The following PALM2AKAP2 variants were observed in gnomAD, a reference collection of about 807,000 sequenced individuals.
PALM2AKAP2 encodes the protein PALM2 and AKAP2 fusion, also known as PALM2-AKAP2 fusion protein.
Under a neutral mutation model 71.5 loss-of-function variants are expected in PALM2AKAP2, and 37 were observed. The observed-to-expected ratio is 0.52, with a 90% CI of 0.40 to 0.68. The LOEUF (loss-of-function observed/expected upper bound fraction) is 0.68. Among genes scored for constraint, PALM2AKAP2 ranks in the 30% least tolerant of loss-of-function variants. The probability of loss-of-function intolerance (pLI) is 0.00; values close to 1 mark genes in which losing one functional copy is unlikely to be tolerated. For synonymous variants in PALM2AKAP2, 468 were observed against 478.8 expected, an observed-to-expected ratio of 0.98 and a Z score of 0.29; for missense variants, 1,224 against 1,191.8, an observed-to-expected ratio of 1.03 and a Z score of -0.40.
intron 1 of PALM2AKAP2, among the ~76,000 whole-genome samples, chr9:109,684,968 T>C (rs1183201234): frequency 1.3e-5 from 2 of 152,128 alleles, no homozygotes; most frequent in African/African-American, 2.4e-5. Context: ...TACTGAACCA[T>C]AAAAATAAAT....
intron 1 of PALM2AKAP2, among the ~76,000 whole-genome samples, chr9:109,743,449 G>T (rs879859267): frequency 1.3e-5 from 2 of 152,282 alleles, no homozygotes; most frequent in African/African-American, 4.8e-5. Flanking sequence ...GCAGCTGCAG[G>T]TGTGAGATCA....
intron 1 of PALM2AKAP2, among the ~76,000 whole-genome samples, chr9:109,792,401 A>G (rs1434056707): frequency 6.6e-6 from 1 of 152,240 alleles, no homozygotes; most frequent in Non-Finnish European, 1.5e-5. Context: ...AGCTGGGATT[A>G]TAGGCATGTG....
chr9:110,042,745 C>T (rs1833530343), intron 7 of PALM2AKAP2, among the ~76,000 whole-genome samples: 1 of 152,088 alleles, frequency 6.6e-6, no homozygotes, highest in South Asian at 2.1e-4. Context: ...TTCTCCTAGA[C>T]TCTTGTTGTT....
chr9:109,883,906 A>G (rs907030975), intron 3 of PALM2AKAP2, among the ~76,000 whole-genome samples: 19 of 152,120 alleles, frequency 1.2e-4, no homozygotes, highest in African/African-American at 4.1e-4. Context: ...TGGCAATGGG[A>G]GAGGTACAAG....
At chr9:109,765,235 T>G (rs1359816780) in intron 1 of PALM2AKAP2, among the ~76,000 whole-genome samples, 1 of 152,224 alleles carries the variant, frequency 6.6e-6, no homozygotes, top group Non-Finnish European at 1.5e-5. Flanking sequence ...CTCAGTGATT[T>G]GTGAAGAGGT....
At chr9:110,056,216 G>A (rs1406496697) in intron 1 of PALM2AKAP2, among the ~76,000 whole-genome samples, 1 of 152,202 alleles carries the variant, frequency 6.6e-6, no homozygotes, top group Non-Finnish European at 1.5e-5. Context: ...CCTGGCAGTG[G>A]TTAACTGACC....
intron 1 of PALM2AKAP2, among the ~76,000 whole-genome samples, chr9:109,833,839 T>G (rs572015515): frequency 6.6e-6 from 1 of 152,178 alleles, no homozygotes; most frequent in Non-Finnish European, 1.5e-5. Flanking sequence ...CTCTGTCCGG[T>G]TTAGGTCTTT....
chr9:110,170,502 G>T (rs976842272), exon 4 of PALM2AKAP2: 3 of 152,252 alleles, frequency 2.0e-5, no homozygotes, highest in African/African-American at 7.2e-5. Context: ...TACTAACAAG[G>T]ATCCTTTAAA....
intron 6 of PALM2AKAP2, among the ~76,000 whole-genome samples, chr9:110,004,757 T>G (rs958056364): frequency 6.6e-6 from 1 of 152,230 alleles, no homozygotes; most frequent in Non-Finnish European, 1.5e-5. Flanking sequence ...TAAACTTCTC[T>G]TGTCACTTCA....
chr9:110,049,380 G>T (rs1390270596), intron 1 of PALM2AKAP2, among the ~76,000 whole-genome samples: 1 of 152,206 alleles, frequency 6.6e-6, no homozygotes, highest in Non-Finnish European at 1.5e-5. Flanking sequence ...GGAGGGCCGG[G>T]CCCCGGCCCC....
chr9:109,925,069 C>T (rs1830923814), exon 5 of PALM2AKAP2: 1 of 1,613,966 alleles, frequency 6.2e-7, no homozygotes, highest in South Asian at 1.1e-5. Context: ...AGGGTTTCTC[C>T]AGTACGGATG....
At chr9:109,961,749 C>T (rs1831855457) in intron 6 of PALM2AKAP2, among the ~76,000 whole-genome samples, 1 of 152,226 alleles carries the variant, frequency 6.6e-6, no homozygotes, top group Non-Finnish European at 1.5e-5. Context: ...GGCAAGACTC[C>T]TGTACGCAAA....
In PALM2AKAP2 at chr9:109,720,407, C is replaced by T. The variant is rs948500381; in HGVS notation, c.6-60081C>T. 2.0e-5 allele frequency among the ~76,000 whole-genome samples: 3 copies of T among 152,292 alleles called. No individual in the cohort carries two copies. The South Asian group carries it at 6.2e-4, about 32-fold the overall frequency. The stretch of plus-strand genomic sequence containing the variant: ...GTGACACACTGATTCTGAGATACCT[C>T]TGAAGCATCTGAATGTAGATATTGA... On this transcript the variant is annotated intron_variant, in intron 1 of 6. Coordinates refer to the PALM2AKAP2 transcript ENST00000374531.
At chr9:109,782,573 T>C (rs951811918) in intron 1 of PALM2AKAP2, among the ~76,000 whole-genome samples, 1 of 152,160 alleles carries the variant, frequency 6.6e-6, no homozygotes, top group Admixed American at 6.5e-5. Context: ...AAATGATTAA[T>C]GTATGTGGGA....
intron 1 of PALM2AKAP2, among the ~76,000 whole-genome samples, chr9:109,783,123 G>A (rs1826863347): frequency 6.6e-6 from 1 of 152,060 alleles, no homozygotes; most frequent in Admixed American, 6.6e-5. Flanking sequence ...CTGGGTCTCA[G>A]CTCCTTCATC....
intron 6 of PALM2AKAP2, among the ~76,000 whole-genome samples, chr9:109,960,838 T>A (rs1564234746): frequency 6.6e-6 from 1 of 152,230 alleles, no homozygotes; most frequent in Non-Finnish European, 1.5e-5. Context: ...CAAGCAAGTT[T>A]AGCAGCAGAA....
At chr9:109,682,133 G>C (rs11791710) in intron 1 of PALM2AKAP2, among the ~76,000 whole-genome samples, 1 of 152,134 alleles carries the variant, frequency 6.6e-6, no homozygotes, top group African/African-American at 2.4e-5. Context: ...GACCAATTAA[G>C]GAGCCACCAT....
At chr9:109,896,769 C>T (rs1830212901) in intron 3 of PALM2AKAP2, among the ~76,000 whole-genome samples, 1 of 152,110 alleles carries the variant, frequency 6.6e-6, no homozygotes, top group African/African-American at 2.4e-5. Flanking sequence ...TATGATCATG[C>T]CAGTGCACTC....
chr9:109,998,531 C>G (rs1028175749), intron 6 of PALM2AKAP2, among the ~76,000 whole-genome samples: 1 of 150,856 alleles, frequency 6.6e-6, no homozygotes, highest in Non-Finnish European at 1.5e-5. Context: ...CATGTCCTCT[C>G]CATAAGCCAG....
Sources: gnomAD v4.1 joint callset for allele counts (sites outside exome capture counted in the v4.1 genomes callset) on GRCh38, gnomAD v4.1.1 for gene constraint, MANE v1.5 for transcripts, NCBI Gene and HGNC (gene_info 2026-07-23, HGNC 2026-07-21) for gene names.